Variants in PCDHA1 observed in about 807,000 individuals in gnomAD.
PCDHA1 encodes the protein protocadherin alpha 1.
In PCDHA1, 42 loss-of-function variants were observed where a neutral mutation model predicts 61.3. The observed-to-expected ratio is 0.69, with a 90% CI of 0.54 to 0.89. PCDHA1 has a LOEUF of 0.89. Among genes scored for constraint, PCDHA1 ranks in the 40% least tolerant of loss-of-function variants. The probability of loss-of-function intolerance (pLI) is 0.00; values close to 1 mark genes in which losing one functional copy is unlikely to be tolerated. For synonymous variants in PCDHA1, 610 were observed against 553.8 expected, an observed-to-expected ratio of 1.10 and a Z score of -1.43; for missense variants, 1,256 against 1,235.3, an observed-to-expected ratio of 1.02 and a Z score of -0.25.
chr5:140,850,016 C>A, intron 1 of PCDHA1: 1 of 1,596,912 alleles, frequency 6.3e-7, no homozygotes. Context: ...TGTCGAGCTA[C>A]GTGTCAGTGC....
rs2150347815 is a variant in PCDHA1, at chr5:140,842,914, G to A, written c.2394+54230G>A. 19 of 1,594,548 alleles carry A rather than the reference G, an allele frequency of 1.2e-5. 2 individuals carry two copies. The highest frequency in any genetic ancestry group is 1.6e-5 in the Non-Finnish European group (19 of 1,165,450). On this transcript the variant is annotated intron_variant, in intron 1 of 3. Transcript: ENST00000504120. ...TGGACCACGAGGAGCTAGAGCTGCT[G>A]CAGTTCCAGGTGAGCGCGCGCGACG...
intron 1 of PCDHA1, chr5:140,857,350 G>C: frequency 6.3e-7 from 1 of 1,598,502 alleles, no homozygotes; most frequent in Non-Finnish European, 8.6e-7. Context: ...CGCCTCCGCT[G>C]TGGGCCACGG....
intron 1 of PCDHA1, among the ~76,000 whole-genome samples, chr5:140,940,904 GT>G (rs1437754574): frequency 6.6e-6 from 1 of 152,188 alleles, no homozygotes; most frequent in Non-Finnish European, 1.5e-5. Context: ...TTTAAATCAA[GT>G]TCAAGACTTG....
At chr5:140,867,140 CATT>C (rs782677875) in intron 1 of PCDHA1, 7 of 152,092 alleles carry the variant, frequency 4.6e-5, no homozygotes, top group Non-Finnish European at 1.0e-4. Context: ...GTGATATTAT[CATT>C]TTTCCAGAGT....
intron 1 of PCDHA1, chr5:140,850,460 G>A (rs2150485288): frequency 1.3e-6 from 2 of 1,597,976 alleles, no homozygotes; most frequent in Non-Finnish European, 1.7e-6. Flanking sequence ...AAGACCACGG[G>A]GAGCCAGCGC....
At chr5:140,993,540 A>T (rs1189758746) in intron 3 of PCDHA1, among the ~76,000 whole-genome samples, 7 of 151,678 alleles carry the variant, frequency 4.6e-5, no homozygotes, top group Non-Finnish European at 8.8e-5. Context: ...AGAGAGAGAT[A>T]GAGAAGTGAA....
chr5:140,919,706 C>T (rs2079272649), intron 1 of PCDHA1, among the ~76,000 whole-genome samples: 1 of 152,048 alleles, frequency 6.6e-6, no homozygotes, highest in African/African-American at 2.4e-5. Flanking sequence ...TAACTTAATT[C>T]TAGTGAGATA....
intron 3 of PCDHA1, among the ~76,000 whole-genome samples, chr5:140,983,526 A>C (rs1421450953): frequency 6.6e-6 from 1 of 152,230 alleles, no homozygotes; most frequent in African/African-American, 2.4e-5. Context: ...TGCCAAGTAC[A>C]TTGTATGTGT....
At position 140,834,542 on chromosome 5, in the gene PCDHA1, G is replaced by A. The variant is rs2150220651; in HGVS notation, c.2394+45858G>A. On this transcript the variant is annotated intron_variant, in intron 1 of 3. Transcript: ENST00000504120. ...TGGGCCGCATCGCGCAGGACCTGGG[G>A]CTGGAGCTGGCGGAGCTGGTGCCGC... The A allele has an allele frequency of 3.7e-6, 6 of 1,614,086 alleles. 1 individual carries two copies. In the South Asian group the frequency reaches 5.5e-5, roughly 15 times the overall value.
rs2150165886 is a variant in PCDHA1 at position 140,829,324 on chromosome 5, T to C, written c.2394+40640T>C. 2.5e-4 allele frequency: 408 copies of C among 1,614,140 alleles called. 1 individual carries two copies. Among genetic ancestry groups the C allele is most frequent in the African/African-American group, 5.3e-4 (40 of 75,068 alleles). ...ATTACTACTCGTTGGTGCTGGACAG[T>C]GCCCTGGACCGCGAGAGCGTGTCGG... On this transcript the variant is annotated intron_variant, in intron 1 of 3. Transcript: ENST00000504120.
At chr5:140,823,535 G>A (rs2150126738) in intron 1 of PCDHA1, 13 of 1,613,680 alleles carry the variant, frequency 8.1e-6, no homozygotes, top group African/African-American at 2.7e-5. Flanking sequence ...GTGGGTGCGG[G>A]CCACGTGGTG....
chr5:140,997,668 TTGTG>T lies in PCDHA1; in HGVS notation c.2543-11933_2543-11930del, dbSNP rs35184029. On this transcript the variant is annotated intron_variant, in intron 3 of 3. Coordinates refer to ENST00000504120, the MANE Select transcript of PCDHA1 (RefSeq NM_018900.4). ...AATGCAATATGTATTATTATACAGC[TTGTG>T]TGTGTGTGTGTGTGTGTGTGTGTGT... Among the ~76,000 whole-genome samples, 716 of 148,202 alleles carry T rather than the reference TTGTG, an allele frequency of 4.8e-3. 2 individuals carry two copies. The highest frequency in any genetic ancestry group is 0.01 in the Middle Eastern group (3 of 294).
At chr5:140,883,291 A>T (rs1554177505) in intron 1 of PCDHA1, 1 of 1,614,118 alleles carries the variant, frequency 6.2e-7, no homozygotes, top group South Asian at 1.1e-5. Flanking sequence ...TGGAAGTACT[A>T]GATGTAAATG....
chr5:140,996,453 C>A (rs1289648745), intron 3 of PCDHA1, among the ~76,000 whole-genome samples: 2 of 152,160 alleles, frequency 1.3e-5, no homozygotes, highest in African/African-American at 4.8e-5. Flanking sequence ...AGTTGTGGTG[C>A]TAAGGGAGGA....
At chr5:140,826,718 G>A (rs2150145138) in intron 1 of PCDHA1, among the ~76,000 whole-genome samples, 1 of 152,166 alleles carries the variant, frequency 6.6e-6, no homozygotes, top group Non-Finnish European at 1.5e-5. Context: ...TGAGAAAGAG[G>A]AAGAGCAAGT....
chr5:140,828,605 C>A, intron 1 of PCDHA1: 1 of 1,614,210 alleles, frequency 6.2e-7, no homozygotes, highest in Admixed American at 1.7e-5. Context: ...AACCTATAAA[C>A]TCAGTTCTAG....
intron 1 of PCDHA1, chr5:140,857,200 C>A: frequency 1.3e-6 from 2 of 1,598,618 alleles, no homozygotes; most frequent in East Asian, 2.2e-5. Flanking sequence ...ACGGACAGGT[C>A]ACCTGCTCTC....
rs371505360 is a variant in PCDHA1, at chr5:140,882,840, C to T, written c.2394+94156C>T. 3.2e-5 allele frequency: 51 copies of T among 1,614,214 alleles called. 1 individual carries two copies. The African/African-American group carries it at 5.6e-4, about 18-fold the overall frequency. ...CAAAACAGTCTTGAGCAAATGTCTTCATTATCACTTGTACTGAGGAAAACA... is the reference window on the plus strand; with the variant it reads ...CAAAACAGTCTTGAGCAAATGTCTTTATTATCACTTGTACTGAGGAAAACA... On this transcript the variant is annotated intron_variant, in intron 1 of 3. Transcript: ENST00000504120.
chr5:140,883,851 T>C, intron 1 of PCDHA1: 1 of 1,612,946 alleles, frequency 6.2e-7, no homozygotes, highest in African/African-American at 1.3e-5. Context: ...CACGAGGAGC[T>C]GGAGCTGTTG....
Sources: allele counts gnomAD v4.1 joint callset (sites outside exome capture counted in the v4.1 genomes callset), GRCh38; gene constraint gnomAD v4.1.1; transcripts MANE v1.5; gene names NCBI Gene and HGNC (gene_info 2026-07-23, HGNC 2026-07-21).